CCDC15: variants seen among roughly 807,000 people sequenced by gnomAD.
CCDC15 encodes the protein coiled-coil domain containing 15.
CCDC15 carries 105 observed loss-of-function variants against 114.5 expected under a neutral mutation model. That is an observed-to-expected ratio of 0.92 (90% CI 0.78 to 1.08). The LOEUF is 1.08. CCDC15 is among the 50% of genes least tolerant of loss of function. The probability of loss-of-function intolerance (pLI) is 0.00; values close to 1 mark genes in which losing one functional copy is unlikely to be tolerated. For synonymous variants in CCDC15, 334 were observed against 377.8 expected (o/e 0.88, Z 1.34); for missense variants, 1,105 against 1,093.6 (o/e 1.01, Z -0.15).
At chr11:124,979,756 T>A (rs1263548161) in intron 6 of CCDC15, among the ~76,000 whole-genome samples, 1 of 152,154 alleles carries the variant, frequency 6.6e-6, no homozygotes, top group East Asian at 1.9e-4. Context: ...GATGTCATTT[T>A]TTTTCTTTCT....
At chr11:125,029,961 C>T (rs554271471) in intron 13 of CCDC15, among the ~76,000 whole-genome samples, 106 of 152,330 alleles carry the variant, frequency 7.0e-4, no homozygotes, top group African/African-American at 2.5e-3. Context: ...AACACTGTAT[C>T]TCCCTTTTTT....
chr11:125,030,962 A>T (rs1264349512), intron 13 of CCDC15, among the ~76,000 whole-genome samples: 3 of 152,202 alleles, frequency 2.0e-5, no homozygotes, highest in African/African-American at 7.2e-5. Context: ...TACCCCTCAG[A>T]GAGGTCCGTC....
rs747268569 is a variant in CCDC15 at position 124,988,012 on chromosome 11, G to A, written c.1786G>A (p.Asp596Asn). The A allele has an allele frequency of 1.2e-6, 2 of 1,613,508 alleles. No individual in the cohort carries two copies. The highest frequency in any genetic ancestry group is 1.3e-5 in the African/African-American group (1 of 74,826). ...CAGAGACCAAGGTTATCTTCCTAAA[G>A]ACCAAAATATTCTACCCATATGTCA... The part of the protein sequence containing the change: ...LPRDQGYLPK[D>N]QNILPICQDR... The change falls in exon 8 of 16, where the codon GAC becomes AAC. Residue 596 changes from aspartate to asparagine, a missense_variant. Transcript: ENST00000344762.
At chr11:124,982,267 T>C (rs1948083932) in intron 6 of CCDC15, among the ~76,000 whole-genome samples, 1 of 152,210 alleles carries the variant, frequency 6.6e-6, no homozygotes, top group African/African-American at 2.4e-5. Context: ...TGCCTTTTAA[T>C]GGGGCATTTA....
chr11:124,996,148 G>A (rs569191601), intron 11 of CCDC15, among the ~76,000 whole-genome samples: 27 of 151,936 alleles, frequency 1.8e-4, no homozygotes, highest in East Asian at 9.7e-4. Flanking sequence ...CACCTTTTAC[G>A]CTGCCAAATA....
At chr11:125,035,379 G>T (rs1948768618) in intron 13 of CCDC15, among the ~76,000 whole-genome samples, 1 of 151,784 alleles carries the variant, frequency 6.6e-6, no homozygotes, top group Admixed American at 6.6e-5. Context: ...TATTTTGTCT[G>T]ATATTAGTAT....
intron 13 of CCDC15, among the ~76,000 whole-genome samples, chr11:125,006,721 AT>A (rs368135267): frequency 2.7e-3 from 401 of 147,718 alleles, no homozygotes; most frequent in African/African-American, 4.7e-3. Flanking sequence ...GTTTAGAGTC[AT>A]TTTTTTTTTG....
At chr11:125,029,610 C>G (rs1948725165) in intron 13 of CCDC15, among the ~76,000 whole-genome samples, 1 of 152,332 alleles carries the variant, frequency 6.6e-6, no homozygotes, top group East Asian at 1.9e-4. Context: ...ATGACAGTTA[C>G]AGTCCTTGTT....
chr11:124,977,928 T>C (rs527756818), intron 6 of CCDC15, among the ~76,000 whole-genome samples: 11 of 150,964 alleles, frequency 7.3e-5, no homozygotes, highest in African/African-American at 2.7e-4. Context: ...AATTGCATGT[T>C]ACAGGGGTTT....
In CCDC15 at chr11:124,973,278, C is replaced by A. The variant is rs80102143; in HGVS notation, c.517-1818C>A. Among the ~76,000 whole-genome samples the A allele has an allele frequency of 2.8e-3, 422 of 152,026 alleles. 1 individual carries two copies. Among genetic ancestry groups the A allele is most frequent in the African/African-American group, 0.01 (416 of 41,438 alleles). On this transcript the variant is annotated intron_variant, in intron 4 of 15. Coordinates refer to ENST00000344762, the MANE Select transcript of CCDC15 (RefSeq NM_025004.3). ...TTTGTTACAATGGGGATTTTTGAAT[C>A]CTTGGTCACATGGTGCAGGGTAATA...
At chr11:124,996,069 A>ACCCTCCCACCTGAGCCTC (rs1299499454) in intron 11 of CCDC15, among the ~76,000 whole-genome samples, 2 of 151,478 alleles carry the variant, frequency 1.3e-5, no homozygotes, top group African/African-American at 4.9e-5. Context: ...ACCTCAGGTG[A>ACCCTCCCACCTGAGCCTC]CCCTCCCACC....
At chr11:125,036,802 G>T (rs1948777845) in intron 13 of CCDC15, among the ~76,000 whole-genome samples, 1 of 151,954 alleles carries the variant, frequency 6.6e-6, no homozygotes, top group African/African-American at 2.4e-5. Context: ...TTTAACTCCA[G>T]AATTTCTACT....
At chr11:124,978,511 C>A (rs914351806) in intron 6 of CCDC15, among the ~76,000 whole-genome samples, 1 of 152,080 alleles carries the variant, frequency 6.6e-6, no homozygotes, top group Admixed American at 6.6e-5. Flanking sequence ...TGTCCACAGC[C>A]GTGTCAGCAT....
chr11:124,972,392 G>A (rs4595559), intron 4 of CCDC15, among the ~76,000 whole-genome samples: 62,324 of 151,908 alleles, frequency 0.41, 14,024 homozygotes, highest in African/African-American at 0.6. Context: ...ATATACCACA[G>A]ACATTCACAC....
intron 15 of CCDC15, 56 bp from the exon 16 acceptor site, chr11:125,040,534 G>A: frequency 6.5e-7 from 1 of 1,529,736 alleles, no homozygotes; most frequent in East Asian, 2.4e-5. Context: ...GATAGAGGCT[G>A]GTAGAGTTGT....
In CCDC15 at chr11:124,998,222, A is replaced by T. The variant is rs1022555776; in HGVS notation, c.2214+4979A>T. ...CCCTCTCTCCATGTTGTGGACTAGA[A>T]ATTATTCAGGCAGTAAGCTGGGACA... On this transcript the variant is annotated intron_variant, in intron 11 of 15. Transcript: ENST00000344762. 4.6e-5 allele frequency among the ~76,000 whole-genome samples: 7 copies of T among 152,298 alleles called. No individual in the cohort carries two copies. In the South Asian group the frequency reaches 1.4e-3, roughly 32 times the overall value.
intron 6 of CCDC15, among the ~76,000 whole-genome samples, chr11:124,984,525 G>C (rs577043596): frequency 1.3e-5 from 2 of 152,258 alleles, no homozygotes; most frequent in South Asian, 2.1e-4. Context: ...GGTGGGCCTT[G>C]GGGGATGGAC....
At chr11:124,997,005 CT>C (rs1411406821) in intron 11 of CCDC15, among the ~76,000 whole-genome samples, 1 of 152,110 alleles carries the variant, frequency 6.6e-6, no homozygotes, top group African/African-American at 2.4e-5. Flanking sequence ...TGTAAGGTTC[CT>C]TTTGCTCAGC....
chr11:124,991,502 GA>G lies in CCDC15; in HGVS notation c.1953del (p.Arg653GlufsTer31). On this transcript the variant is annotated frameshift_variant, in exon 9 of 16. Transcript: ENST00000344762. LOFTEE classifies it high-confidence loss of function. ...AGCCATACTCTGATATGACAGATGA[GA>G]AAGGGAGAGAAGACTTTTCTCTGGC... The part of the protein sequence containing the change: ...KEPYSDMTDE[K>X]GREDFSLADY... 1 of 1,604,082 alleles carries G rather than the reference GA, an allele frequency of 6.2e-7. No individual in the cohort carries two copies. Among genetic ancestry groups the G allele is most frequent in the Non-Finnish European group, 8.5e-7 (1 of 1,171,718 alleles).
Sources: gnomAD v4.1 joint callset for allele counts (sites outside exome capture counted in the v4.1 genomes callset) on GRCh38, gnomAD v4.1.1 for gene constraint, MANE v1.5 for transcripts, NCBI Gene and HGNC (gene_info 2026-07-23, HGNC 2026-07-21) for gene names.